Variants in CDH23 observed in about 807,000 individuals in gnomAD.
The protein encoded by CDH23 is cadherin related 23, also known as cadherin-23.
Under a neutral mutation model 317.1 loss-of-function variants are expected in CDH23, and 189 were observed. The ratio of observed to expected loss-of-function variants is 0.60; its 90% CI spans 0.53 to 0.67. The LOEUF (loss-of-function observed/expected upper bound fraction) is 0.67. Ranked by LOEUF, CDH23 falls within the 30% of genes least tolerant of loss-of-function variation. The pLI is 0.00. For synonymous variants in CDH23, 1,839 were observed against 1,876.8 expected (o/e 0.98, Z 0.52); for missense variants, 4,401 against 4,592.4 (o/e 0.96, Z 1.20).
intron 28 of CDH23, among the ~76,000 whole-genome samples, chr10:71,721,498 A>G (rs874622): frequency 0.32 from 48,645 of 152,074 alleles, 9,094 homozygotes; most frequent in African/African-American, 0.49. Context: ...TAGAGATGAG[A>G]AAACTGAGGC....
chr10:71,772,502 G>A (rs1840709162), intron 38 of CDH23, among the ~76,000 whole-genome samples: 2 of 152,214 alleles, frequency 1.3e-5, no homozygotes, highest in Admixed American at 1.3e-4. Context: ...CAGGGCCTCT[G>A]CCCCCAGCCC....
At chr10:71,627,548 C>A (rs943715877) in intron 11 of CDH23, among the ~76,000 whole-genome samples, 2 of 152,220 alleles carry the variant, frequency 1.3e-5, no homozygotes, top group Non-Finnish European at 2.9e-5. Context: ...ATGCTATTTA[C>A]GCCAAGCCCT....
intron 14 of CDH23, among the ~76,000 whole-genome samples, chr10:71,666,876 G>A (rs937536968): frequency 1.3e-5 from 2 of 152,216 alleles, no homozygotes; most frequent in African/African-American, 4.8e-5. Context: ...ATACAGAGGG[G>A]CTCAGTGAAT....
chr10:71,580,221 C>T lies in CDH23; in HGVS notation c.832+2229C>T, dbSNP rs11817645. 8.4e-3 allele frequency among the ~76,000 whole-genome samples: 1,285 copies of T among 152,332 alleles called. 24 individuals are homozygous for T. Among genetic ancestry groups the T allele is most frequent in the African/African-American group, 0.029 (1,226 of 41,574 alleles). ...GGAAGGAGGCTGGAGATCCAAGCTG[C>T]TAAGCCTTTGGTGTCTGGGCTGGAC... is the stretch of plus-strand genomic sequence containing the variant. On this transcript the variant is annotated intron_variant, in intron 9 of 69. Transcript: ENST00000224721.
intron 10 of CDH23, among the ~76,000 whole-genome samples, chr10:71,616,219 C>T (rs995675758): frequency 3.3e-5 from 5 of 152,244 alleles, no homozygotes; most frequent in Non-Finnish European, 5.9e-5. Context: ...GTCTGAGCCA[C>T]GGGGGGTCTT....
intron 28 of CDH23, among the ~76,000 whole-genome samples, chr10:71,721,137 C>G (rs1369609618): frequency 3.3e-5 from 5 of 152,194 alleles, no homozygotes; most frequent in Admixed American, 6.5e-5. Flanking sequence ...AGGGAGGCAT[C>G]AAGGAAATCT....
At chr10:71,615,373 C>T in intron 9 of CDH23, 131 bp from the exon 10 acceptor site, 1 of 705,760 alleles carries the variant, frequency 1.4e-6, no homozygotes, top group East Asian at 2.7e-5. Flanking sequence ...AACCAGCATT[C>T]ATTTCAAGTA....
At chr10:71,711,841 G>C (rs116044764) in intron 27 of CDH23, 2 of 152,008 alleles carry the variant, frequency 1.3e-5, no homozygotes, top group South Asian at 4.2e-4. Flanking sequence ...CCCTTCCAGC[G>C]GGGCCCATCC....
chr10:71,688,709 G>C (rs997397729), intron 19 of CDH23, among the ~76,000 whole-genome samples: 1 of 131,916 alleles, frequency 7.6e-6, no homozygotes, highest in Non-Finnish European at 1.6e-5. Flanking sequence ...AGCCAGGGGT[G>C]GTGGAGTCAG....
intron 3 of CDH23, among the ~76,000 whole-genome samples, chr10:71,480,651 T>A (rs1182779866): frequency 6.6e-6 from 1 of 152,112 alleles, no homozygotes; most frequent in African/African-American, 2.4e-5. Context: ...AGGGATGGCG[T>A]CCACGACCTG....
At chr10:71,785,775 G>C (rs1841088979) in intron 44 of CDH23, 37 bp downstream of exon 44, 1 of 1,274,094 alleles carries the variant, frequency 7.8e-7, no homozygotes, top group African/African-American at 1.5e-5. Flanking sequence ...TGGGCTGGGA[G>C]CTAGAGGCGC....
Position 71,806,004 on chromosome 10 carries a change from G to A in CDH23, c.8064+7G>A. On this transcript the variant is annotated splice_region_variant and intron_variant, in intron 56 of 69. Transcript: ENST00000224721. ...GTCGCAGGCGGTGTACAGCGTAAGGGCGGGGCCCGGTGCGAGGGGCGGGGT... is the reference window on the plus strand; with the variant it reads ...GTCGCAGGCGGTGTACAGCGTAAGGACGGGGCCCGGTGCGAGGGGCGGGGT... 6.2e-7 allele frequency: 1 copy of A among 1,604,590 alleles called. No homozygotes were observed. Among genetic ancestry groups the A allele is most frequent in the Non-Finnish European group, 8.5e-7 (1 of 1,176,782 alleles).
intron 3 of CDH23, among the ~76,000 whole-genome samples, chr10:71,488,362 C>T (rs1852466302): frequency 2.0e-5 from 3 of 152,340 alleles, no homozygotes; most frequent in Non-Finnish European, 4.4e-5. Context: ...AGATGGGAAT[C>T]TTTCTGCGCA....
chr10:71,614,005 G>A (rs534366714), intron 9 of CDH23, among the ~76,000 whole-genome samples: 4 of 152,350 alleles, frequency 2.6e-5, no homozygotes, highest in African/African-American at 9.6e-5. Context: ...TGGGGCAGAT[G>A]CCATTATTAT....
At chr10:71,715,700 AC>A in intron 28 of CDH23, 1 of 400,766 alleles carries the variant, frequency 2.5e-6, no homozygotes, top group Admixed American at 4.1e-5. Context: ...ACATCTCTTG[AC>A]CAGAAGTCTT....
chr10:71,695,795 C>T (rs893763787), intron 22 of CDH23, among the ~76,000 whole-genome samples: 1 of 152,166 alleles, frequency 6.6e-6, no homozygotes, highest in Non-Finnish European at 1.5e-5. Context: ...GGCAGGGGAG[C>T]TCTGGCCGGT....
chr10:71,553,782 C>A (rs1856730890), intron 6 of CDH23, among the ~76,000 whole-genome samples: 1 of 152,186 alleles, frequency 6.6e-6, no homozygotes, highest in South Asian at 2.1e-4. Flanking sequence ...GGAGATGGAG[C>A]CCCATTTGTG....
chr10:71,759,962 CATAT>C (rs1326910459), intron 38 of CDH23, among the ~76,000 whole-genome samples: 1 of 116,492 alleles, frequency 8.6e-6, no homozygotes, highest in African/African-American at 2.9e-5. Context: ...TATACACACA[CATAT>C]ATATACACAC....
Position 71,799,280 on chromosome 10 carries a change from G to C in CDH23, c.7224G>C (p.Gln2408His), listed in dbSNP as rs766731235. ...NNPIFDQPSY[Q>H]EAVFEDVPVG... ...CCATCTTTGACCAGCCCTCCTACCA[G>C]GTGGGTGGCCAGGCCACAGGCTGGG... The change falls in exon 51 of 70, where the codon CAG (glutamine) becomes CAC (histidine). Residue 2408 changes from glutamine to histidine, a missense_variant and splice_region_variant. Around this residue, in one of 3 missense-constraint regions of CDH23, gnomAD observed 189 missense variants for 250.9 expected, o/e 0.75. Transcript: ENST00000224721. 3 of 1,613,920 alleles carry C rather than the reference G, an allele frequency of 1.9e-6. No individual in the cohort carries two copies. The highest frequency in any genetic ancestry group is 4.5e-5 in the East Asian group (2 of 44,904).
Sources: gnomAD v4.1 joint callset for allele counts (sites outside exome capture counted in the v4.1 genomes callset) on GRCh38, gnomAD v4.1.1 for gene constraint, gnomAD v4.1.1 regional missense constraint, MANE v1.5 for transcripts, NCBI Gene and HGNC (gene_info 2026-07-23, HGNC 2026-07-21) for gene names.